Variants in ASPHD1 observed in about 807,000 individuals in gnomAD.
ASPHD1 encodes the protein aspartate beta-hydroxylase domain containing 1, also known as aspartate beta-hydroxylase domain-containing protein 1.
ASPHD1 carries 20 observed loss-of-function variants against 28.3 expected under a neutral mutation model. The observed-to-expected ratio is 0.71, with a 90% CI of 0.50 to 1.03. The LOEUF (loss-of-function observed/expected upper bound fraction) is 1.03, where lower values mean the gene tolerates loss of function less well. ASPHD1 is among the 50% of genes least tolerant of loss of function. The pLI is 0.00. For missense variants in ASPHD1, 479 were observed against 524.1 expected, an observed-to-expected ratio of 0.91 and a Z score of 0.84; for synonymous variants, 240 against 221.2, an observed-to-expected ratio of 1.08 and a Z score of -0.75.
chr16:29,901,881 C>A lies in ASPHD1; in HGVS notation c.910C>A (p.Arg304Ser). Residue 304 changes from arginine to serine, a missense_variant, in exon 1 of 3, where the codon CGC (arginine) becomes AGC (serine). Arg to Ser is a moderately radical substitution (Grantham distance 110, BLOSUM62 -1). Coordinates refer to ENST00000308748, the MANE Select transcript of ASPHD1 (RefSeq NM_181718.4). This position sits in a 1 kb window ranked among gnomAD's most constrained non-coding sequence, Gnocchi z 5.1. Reference protein sequence around the residue: ...VLLPGARLEGRCGPTNARVRC... With the variant: ...VLLPGARLEGSCGPTNARVRC... The stretch of plus-strand genomic sequence containing the variant: ...CCTGCCTGGGGCCCGGCTCGAGGGC[C>A]GCTGTGGGCCCACCAATGCCCGGGT... 4 of 1,523,528 alleles carry A rather than the reference C, an allele frequency of 2.6e-6. No individual in the cohort carries two copies. Among genetic ancestry groups the A allele is most frequent in the Non-Finnish European group, 3.5e-6 (4 of 1,138,540 alleles). 94.4% of individuals were successfully genotyped at this position (1,523,528 alleles called of 1,614,324 possible).
chr16:29,913,565 G>C (rs907795001), intron 3 of ASPHD1: 1 of 152,288 alleles, frequency 6.6e-6, no homozygotes. Context: ...GCAGTGGCTC[G>C]GCTGGGTGGC....
Position 29,901,415 on chromosome 16 carries a change from G to A in ASPHD1, c.444G>A (p.Arg148=). Residue 148 remains arginine (R), a synonymous_variant, in exon 1 of 3, where the codon CGG becomes CGA. Coordinates refer to ENST00000308748, the MANE Select transcript of ASPHD1 (RefSeq NM_181718.4). The surrounding 1 kb of genome is among the most constrained non-coding windows in gnomAD (Gnocchi z 5.1). ...EGPRTEGLVS[R]RLRAYARRYS... is the part of the protein sequence containing the mutation. ...CTAGGACGGAAGGCCTAGTGAGCCG[G>A]CGGCTTCGGGCCTACGCAAGGCGCT... 6.3e-7 allele frequency: 1 copy of A among 1,591,534 alleles called. No homozygotes were observed. Among genetic ancestry groups the A allele is most frequent in the Non-Finnish European group, 8.5e-7 (1 of 1,170,420 alleles).
rs1276726528 is a variant in ASPHD1 at position 29,901,228 on chromosome 16, C to T, written c.257C>T (p.Ala86Val). 4 of 1,613,794 alleles carry T rather than the reference C, an allele frequency of 2.5e-6. No individual in the cohort carries two copies. Among genetic ancestry groups the T allele is most frequent in the Non-Finnish European group, 2.5e-6 (3 of 1,179,968 alleles). Reference sequence around the variant, plus strand: ...TCGGCCCTCACCTTGCTCTTCGGGGCCCTCACTTCCCTGTTCCTCTGGTAC... The same window carrying T: ...TCGGCCCTCACCTTGCTCTTCGGGGTCCTCACTTCCCTGTTCCTCTGGTAC... ...ASSALTLLFGALTSLFLWYCY... is the reference protein window; with the variant it reads ...ASSALTLLFGVLTSLFLWYCY... The change falls in exon 1 of 3, where the codon GCC (alanine) becomes GTC (valine). Residue 86 changes from alanine (A) to valine (V), a missense_variant. Physicochemically the swap from Ala to Val is moderately conservative, Grantham distance 64. Transcript: ENST00000308748. The surrounding 1 kb of genome is among the most constrained non-coding windows in gnomAD (Gnocchi z 5.1).
rs1456559081 is a variant in ASPHD1 at position 29,904,974 on chromosome 16, G to A, written c.1063+9G>A. Reference sequence around the variant, plus strand: ...CACAGTGGCTCACAATGGTAACGGGGTGCCCATTCTGCAGGGGGGATGAGG... The same window carrying A: ...CACAGTGGCTCACAATGGTAACGGGATGCCCATTCTGCAGGGGGGATGAGG... On this transcript the variant is annotated intron_variant, in intron 2 of 2. Coordinates refer to ENST00000308748, the MANE Select transcript of ASPHD1 (RefSeq NM_181718.4). The A allele has an allele frequency of 6.2e-7, 1 of 1,604,166 alleles. No homozygotes were observed. Among genetic ancestry groups the A allele is most frequent in the Non-Finnish European group, 8.5e-7 (1 of 1,172,500 alleles).
intron 1 of ASPHD1, among the ~76,000 whole-genome samples, chr16:29,902,286 G>A (rs534329781): frequency 3.9e-5 from 6 of 152,274 alleles, no homozygotes; most frequent in Admixed American, 1.3e-4. Context: ...ACAATTAGCC[G>A]GGCGCGGTGG....
chr16:29,902,885 TTTTC>T (rs1416769345), intron 1 of ASPHD1, among the ~76,000 whole-genome samples: 37 of 138,882 alleles, frequency 2.7e-4, no homozygotes, highest in Middle Eastern at 3.6e-3. Flanking sequence ...GATTTTTTCT[TTTTC>T]TTTTTTTTTT....
intron 2 of ASPHD1, 24 bp downstream of exon 2, chr16:29,904,989 G>C (rs769915363): frequency 1.9e-6 from 3 of 1,556,908 alleles, no homozygotes; most frequent in Non-Finnish European, 2.7e-6. Context: ...CATTCTGCAG[G>C]GGGGATGAGG....
chr16:29,918,752 G>A (rs962500834), intron 3 of ASPHD1, among the ~76,000 whole-genome samples: 1 of 152,154 alleles, frequency 6.6e-6, no homozygotes, highest in African/African-American at 2.4e-5. Flanking sequence ...TGCCTCCCCA[G>A]GTTCAAGCGA....
chr16:29,901,746 C>A lies in ASPHD1; in HGVS notation c.775C>A (p.Arg259=). 2 of 1,552,576 alleles carry A rather than the reference C, an allele frequency of 1.3e-6. No individual in the cohort carries two copies. The highest frequency in any genetic ancestry group is 1.7e-6 in the Non-Finnish European group (2 of 1,150,254). The change falls in exon 1 of 3, where the codon CGG becomes AGG. Residue 259 remains arginine (R), a synonymous_variant. Transcript: ENST00000308748. The surrounding 1 kb of genome is among the most constrained non-coding windows in gnomAD (Gnocchi z 5.1). ...CYQLLLYQAG[R]CQPSNCRRCP... is the part of the protein sequence containing the mutation. ...CCAGCTCCTGCTGTACCAAGCAGGC[C>A]GGTGCCAACCCAGCAACTGCCGCCG...
intron 3 of ASPHD1, among the ~76,000 whole-genome samples, chr16:29,912,850 T>C (rs2068741375): frequency 6.6e-6 from 1 of 152,244 alleles, no homozygotes; most frequent in Non-Finnish European, 1.5e-5. Context: ...ATACAGCTGA[T>C]GCTCTGTATT....
chr16:29,908,406 AC>A (rs1393056031), downstream of ASPHD1, among the ~76,000 whole-genome samples: 1 of 151,920 alleles, frequency 6.6e-6, no homozygotes, highest in Non-Finnish European at 1.5e-5. Context: ...TTTTCCTGAG[AC>A]AGAGTCTTGC....
At chr16:29,912,397 C>T (rs2068730238) in intron 3 of ASPHD1, 3 of 392,010 alleles carry the variant, frequency 7.7e-6, no homozygotes, top group African/African-American at 2.1e-5. Context: ...CCCAGCCCCC[C>T]TGGCTAAAAC....
intron 2 of ASPHD1, among the ~76,000 whole-genome samples, chr16:29,905,325 T>G (rs1313599299): frequency 6.6e-6 from 1 of 152,086 alleles, no homozygotes; most frequent in African/African-American, 2.4e-5. Flanking sequence ...GTTTTGATGA[T>G]TAAGAGTTGA....
At chr16:29,912,821 C>G (rs939003899) in intron 3 of ASPHD1, among the ~76,000 whole-genome samples, 6 of 152,206 alleles carry the variant, frequency 3.9e-5, no homozygotes, top group African/African-American at 1.2e-4. Flanking sequence ...CTCTTCCCAC[C>G]TAGGAATAAC....
chr16:29,918,382 G>A (rs1448625027), intron 3 of ASPHD1, among the ~76,000 whole-genome samples: 1 of 152,234 alleles, frequency 6.6e-6, no homozygotes, highest in Non-Finnish European at 1.5e-5. Context: ...TGGGTTGCTT[G>A]ATGTGGCCCA....
At chr16:29,916,906 G>A (rs962615946) in intron 3 of ASPHD1, among the ~76,000 whole-genome samples, 1 of 152,182 alleles carries the variant, frequency 6.6e-6, no homozygotes, top group South Asian at 2.1e-4. Flanking sequence ...CGGGGAGTCT[G>A]TGCTTGCTGT....
At position 29,900,892 on chromosome 16, in the gene ASPHD1, A is replaced by G; in HGVS notation, c.-80A>G. The G allele has an allele frequency of 7.9e-7, 1 of 1,260,768 alleles. No individual in the cohort carries two copies. The highest frequency in any genetic ancestry group is 1.1e-6 in the Non-Finnish European group (1 of 894,560). 78.1% of individuals were successfully genotyped at this position (1,260,768 alleles called of 1,614,324 possible). On this transcript the variant is annotated 5_prime_UTR_variant, in exon 1 of 3. Transcript: ENST00000308748. The stretch of plus-strand genomic sequence containing the variant: ...TGGAAGGAGAAAGAAGAGGGTGAGG[A>G]GGCGACAGAGGGAGAGGAGGAAGAA...
At chr16:29,909,649 T>C (rs2068670849), downstream of ASPHD1, among the ~76,000 whole-genome samples, 1 of 151,992 alleles carries the variant, frequency 6.6e-6, no homozygotes, top group South Asian at 2.1e-4. Flanking sequence ...TCTGAGGTTT[T>C]AAGAATCTAT....
intron 1 of ASPHD1, among the ~76,000 whole-genome samples, chr16:29,903,373 A>T (rs941484404): frequency 2.0e-5 from 3 of 151,736 alleles, no homozygotes; most frequent in East Asian, 2.0e-4. Context: ...AAGAAAAAAA[A>T]ATTGTGTAAA....
Sources: gnomAD v4.1 joint callset for allele counts (sites outside exome capture counted in the v4.1 genomes callset) on GRCh38, gnomAD v4.1.1 for gene constraint, Gnocchi (gnomAD v3.1) non-coding constraint, MANE v1.5 for transcripts, NCBI Gene and HGNC (gene_info 2026-07-23, HGNC 2026-07-21) for gene names.